MAGI1: variants seen among roughly 807,000 people sequenced by gnomAD.
MAGI1 encodes the protein membrane-associated guanylate kinase, WW and PDZ domain-containing protein 1.
MAGI1 carries 58 observed loss-of-function variants against 139.9 expected under a neutral mutation model. That is an observed-to-expected ratio of 0.41 (90% CI 0.34 to 0.52). MAGI1 has a LOEUF of 0.52. Among genes scored for constraint, MAGI1 ranks in the 20% least tolerant of loss-of-function variants. The pLI is 0.12. For synonymous variants in MAGI1, 812 were observed against 737.9 expected (o/e 1.10, Z -1.63); for missense variants, 1,874 against 1,901.6 (o/e 0.99, Z 0.27).
intron 1 of MAGI1, among the ~76,000 whole-genome samples, chr3:65,869,373 G>GT (rs1029782810): frequency 1.9e-4 from 19 of 99,196 alleles, no homozygotes; most frequent in African/African-American, 8.6e-4. Context: ...GTTTTTTGTT[G>GT]TTGTTGTTGT....
chr3:65,447,592 G>T (rs939543301), intron 7 of MAGI1, among the ~76,000 whole-genome samples: 3 of 152,248 alleles, frequency 2.0e-5, no homozygotes, highest in Admixed American at 6.5e-5. Flanking sequence ...CCTTAAACTA[G>T]TCTTAATTGA....
chr3:65,386,864 A>C (rs956886303), intron 14 of MAGI1, among the ~76,000 whole-genome samples: 22 of 152,200 alleles, frequency 1.4e-4, no homozygotes, highest in African/African-American at 5.3e-4. Context: ...TGATAATTAG[A>C]AAGAATGGAC....
At chr3:65,651,738 A>T (rs1359624747) in intron 1 of MAGI1, among the ~76,000 whole-genome samples, 1 of 152,166 alleles carries the variant, frequency 6.6e-6, no homozygotes, top group Non-Finnish European at 1.5e-5. Flanking sequence ...GATCCAAGAG[A>T]GAATCCTTTT....
At chr3:65,916,485 G>A (rs1359002669) in intron 1 of MAGI1, among the ~76,000 whole-genome samples, 1 of 152,140 alleles carries the variant, frequency 6.6e-6, no homozygotes, top group Admixed American at 6.5e-5. Context: ...TGGCACACAA[G>A]AGAGAAAATA....
intron 1 of MAGI1, among the ~76,000 whole-genome samples, chr3:65,646,294 TAGAC>T (rs557400944): frequency 2.4e-4 from 36 of 152,060 alleles, no homozygotes; most frequent in African/African-American, 7.7e-4. Flanking sequence ...AAACTTAACA[TAGAC>T]AGGAAGAGAC....
chr3:65,940,439 T>C (rs1368117524), intron 1 of MAGI1, among the ~76,000 whole-genome samples: 1 of 152,168 alleles, frequency 6.6e-6, no homozygotes, highest in Non-Finnish European at 1.5e-5. Flanking sequence ...TGGACTGCCA[T>C]CTTCTCACTG....
intron 1 of MAGI1, among the ~76,000 whole-genome samples, chr3:65,655,387 A>G (rs1351600260): frequency 6.6e-6 from 1 of 152,210 alleles, no homozygotes; most frequent in Non-Finnish European, 1.5e-5. Context: ...ATTATTACAT[A>G]CACAGTCAAC....
At chr3:65,732,512 T>C (rs2034293671) in intron 1 of MAGI1, among the ~76,000 whole-genome samples, 1 of 152,188 alleles carries the variant, frequency 6.6e-6, no homozygotes, top group South Asian at 2.1e-4. Context: ...CAAGCTGCTC[T>C]CTGCTACCCT....
chr3:65,923,906 C>G (rs1238087031), intron 1 of MAGI1, among the ~76,000 whole-genome samples: 1 of 152,128 alleles, frequency 6.6e-6, no homozygotes, highest in Non-Finnish European at 1.5e-5. Flanking sequence ...AGGATAAGCA[C>G]CTAATCTTGC....
At chr3:65,807,281 G>T (rs1053829764) in intron 1 of MAGI1, among the ~76,000 whole-genome samples, 1 of 152,184 alleles carries the variant, frequency 6.6e-6, no homozygotes, top group Non-Finnish European at 1.5e-5. Context: ...CAGATGTGGT[G>T]TCTGGCAAGG....
At chr3:65,359,134 A>G (rs1319226918) in intron 22 of MAGI1, 4 of 1,613,928 alleles carry the variant, frequency 2.5e-6, no homozygotes, top group Non-Finnish European at 3.4e-6. Context: ...ACATGCAGCG[A>G]TATTAGGAGG....
intron 1 of MAGI1, among the ~76,000 whole-genome samples, chr3:65,971,764 A>C (rs2065022893): frequency 6.6e-6 from 1 of 152,088 alleles, no homozygotes; most frequent in Non-Finnish European, 1.5e-5. Flanking sequence ...CCTGCCTGAC[A>C]CACTTCCCTG....
rs541654498 is a variant in MAGI1 at position 65,406,624 on chromosome 3, T to C, written c.2168-5154A>G. 2.0e-4 allele frequency among the ~76,000 whole-genome samples: 31 copies of C among 152,320 alleles called. 1 individual carries two copies. In the East Asian group the frequency reaches 5.2e-3, roughly 26 times the overall value. ...AGCATTCCAACAAATGCTGTGTCAC[T>C]AATCCACATGTCACTGAACACATGG... On this transcript the variant is annotated intron_variant, in intron 12 of 22. Coordinates refer to ENST00000402939, the MANE Select transcript of MAGI1 (RefSeq NM_001033057.2).
At chr3:65,559,961 G>A (rs755449804) in intron 2 of MAGI1, among the ~76,000 whole-genome samples, 30 of 152,110 alleles carry the variant, frequency 2.0e-4, no homozygotes, top group Middle Eastern at 3.4e-3. Flanking sequence ...ATCTGAGCCC[G>A]GCAAGTCGTG....
intron 9 of MAGI1, among the ~76,000 whole-genome samples, chr3:65,437,671 T>C (rs558836013): frequency 4.6e-5 from 7 of 152,284 alleles, no homozygotes; most frequent in African/African-American, 1.7e-4. Flanking sequence ...GGGTGTGCTC[T>C]TCTGTTATCT....
At chr3:65,483,117 A>G (rs1477338493) in intron 3 of MAGI1, among the ~76,000 whole-genome samples, 1 of 152,262 alleles carries the variant, frequency 6.6e-6, no homozygotes, top group Non-Finnish European at 1.5e-5. Flanking sequence ...AAAAGTCTTC[A>G]ATAATTCACA....
Position 65,429,747 on chromosome 3 carries a change from A to G in MAGI1, c.1940T>C (p.Val647Ala), listed in dbSNP as rs1559547047. The G allele has an allele frequency of 6.2e-7, 1 of 1,613,996 alleles. No homozygotes were observed. ...AAAACCAAAGCCCATTGGCCCTTTG[A>G]CAATATGAACAGTTATGAGTTCTGG... ...TQPELITVHIVKGPMGFGFTI... is the reference protein window; with the variant it reads ...TQPELITVHIAKGPMGFGFTI... Residue 647 changes from valine to alanine, a missense_variant, in exon 12 of 23, where the codon GTC becomes GCC. By Grantham distance (64) the Val-to-Ala change is moderately conservative (BLOSUM62 0). Transcript: ENST00000402939.
intron 1 of MAGI1, among the ~76,000 whole-genome samples, chr3:66,012,532 G>C (rs2107511047): frequency 6.6e-6 from 1 of 152,280 alleles, no homozygotes; most frequent in Non-Finnish European, 1.5e-5. Context: ...TTGGGAGCCT[G>C]AGGCGAGTGG....
chr3:65,812,395 G>A (rs948241812), intron 1 of MAGI1, among the ~76,000 whole-genome samples: 5 of 150,848 alleles, frequency 3.3e-5, no homozygotes, highest in African/African-American at 7.3e-5. Context: ...AATACATTAC[G>A]GTTGAAAAAA....
Sources: allele counts gnomAD v4.1 joint callset (sites outside exome capture counted in the v4.1 genomes callset), GRCh38; gene constraint gnomAD v4.1.1; transcripts MANE v1.5; gene names NCBI Gene and HGNC (gene_info 2026-07-23, HGNC 2026-07-21).